Variants in UBE2E1 observed in about 807,000 individuals in gnomAD.
UBE2E1 encodes the protein ubiquitin-conjugating enzyme E2 E1.
Under a neutral mutation model 21.4 loss-of-function variants are expected in UBE2E1, and 6 were observed. The ratio of observed to expected loss-of-function variants is 0.28; its 90% CI spans 0.15 to 0.55. The LOEUF (loss-of-function observed/expected upper bound fraction) is 0.55. UBE2E1 is among the 20% of genes least tolerant of loss of function. The pLI, the probability that UBE2E1 is intolerant of heterozygous loss-of-function variation, is 0.93. For synonymous variants in UBE2E1, 87 were observed against 82.7 expected, an observed-to-expected ratio of 1.05 and a Z score of -0.28; for missense variants, 142 against 236.5, an observed-to-expected ratio of 0.60 and a Z score of 2.62.
chr3:23,831,343 A>G (rs1699862215), intron 3 of UBE2E1, among the ~76,000 whole-genome samples: 1 of 152,120 alleles, frequency 6.6e-6, no homozygotes, highest in African/African-American at 2.4e-5. Flanking sequence ...ACATGACCAC[A>G]GGCACCCAGA....
chr3:23,852,692 T>C (rs527793833), intron 3 of UBE2E1, among the ~76,000 whole-genome samples: 15 of 152,324 alleles, frequency 9.8e-5, no homozygotes, highest in African/African-American at 3.6e-4. Flanking sequence ...CCTTCTGGGC[T>C]CAAGCGATCC....
intron 3 of UBE2E1, among the ~76,000 whole-genome samples, chr3:23,828,622 CTG>C (rs368658949): frequency 2.6e-5 from 4 of 152,294 alleles, no homozygotes; most frequent in African/African-American, 7.2e-5. Flanking sequence ...AAATTACAAA[CTG>C]AGCATTTATG....
intron 3 of UBE2E1, among the ~76,000 whole-genome samples, chr3:23,826,364 T>C (rs945870728): frequency 2.0e-4 from 30 of 152,250 alleles, no homozygotes; most frequent in African/African-American, 6.3e-4. Context: ...CAGAAACAAC[T>C]TCTTAGTTGT....
intron 3 of UBE2E1, among the ~76,000 whole-genome samples, chr3:23,865,370 G>A (rs1700634299): frequency 6.6e-6 from 1 of 152,054 alleles, no homozygotes; most frequent in Non-Finnish European, 1.5e-5. Context: ...CTTTTTTTGA[G>A]ATGGAGTTTC....
In UBE2E1 at chr3:23,863,478, T is replaced by C. The variant is rs7637968; in HGVS notation, c.204-24089T>C. On this transcript the variant is annotated intron_variant, in intron 3 of 5. Coordinates refer to ENST00000306627, the MANE Select transcript of UBE2E1 (RefSeq NM_003341.5). The surrounding 1 kb of genome is among the most constrained non-coding windows in gnomAD (Gnocchi z 4.3). ...TCAACCCCAGATGCCTTCACAATTATCTAAAAGTCCTCAAAAGACATTCAG... is the reference window on the plus strand; with the variant it reads ...TCAACCCCAGATGCCTTCACAATTACCTAAAAGTCCTCAAAAGACATTCAG... Among the ~76,000 whole-genome samples, 36,982 of 152,044 alleles carry C rather than the reference T, an allele frequency of 0.24. 4,719 individuals carry two copies. Among genetic ancestry groups the C allele is most frequent in the African/African-American group, 0.34 (13,989 of 41,426 alleles).
At chr3:23,886,216 T>C (rs903195853) in intron 3 of UBE2E1, among the ~76,000 whole-genome samples, 2 of 152,122 alleles carry the variant, frequency 1.3e-5, no homozygotes, top group African/African-American at 2.4e-5. Flanking sequence ...AAATAAAAAA[T>C]AAAACAAGTT....
intron 3 of UBE2E1, among the ~76,000 whole-genome samples, chr3:23,867,353 A>T (rs577552885): frequency 1.1e-4 from 17 of 152,330 alleles, no homozygotes; most frequent in Admixed American, 2.0e-4. Flanking sequence ...AGTAGGTCAG[A>T]ACAAACCTGT....
At chr3:23,845,579 C>CTGTG (rs1447535869) in intron 3 of UBE2E1, among the ~76,000 whole-genome samples, 5 of 51,704 alleles carry the variant, frequency 9.7e-5, no homozygotes, top group African/African-American at 3.2e-4. Flanking sequence ...CTCTCTCTCT[C>CTGTG]TCTCTCTCTC....
chr3:23,857,780 T>A (rs776193228), intron 3 of UBE2E1, among the ~76,000 whole-genome samples: 1 of 152,218 alleles, frequency 6.6e-6, no homozygotes, highest in Non-Finnish European at 1.5e-5. Context: ...CGTGTGCTCC[T>A]CAGGAATGAG....
chr3:23,879,418 A>T (rs963194199), intron 3 of UBE2E1: 11 of 459,926 alleles, frequency 2.4e-5, no homozygotes, highest in African/African-American at 1.8e-4. Context: ...CACAGTACAA[A>T]CCCAGGAAAA....
At position 23,853,851 on chromosome 3, in the gene UBE2E1, CT is replaced by C. The variant is rs1203098778; in HGVS notation, c.204-33715del. ...TGTTATTTGTTCACCCAACATCCCC[CT>C]GGGGTACCAACACTCCTCATTTTAT... is the stretch of plus-strand genomic sequence containing the variant. On this transcript the variant is annotated intron_variant, in intron 3 of 5. Coordinates refer to ENST00000306627, the MANE Select transcript of UBE2E1 (RefSeq NM_003341.5). The surrounding 1 kb of genome is among the most constrained non-coding windows in gnomAD (Gnocchi z 4.1). Among the ~76,000 whole-genome samples the C allele has an allele frequency of 6.6e-6, 1 of 152,166 alleles. No homozygotes were observed.
At chr3:23,880,292 A>G (rs1229708617) in intron 3 of UBE2E1, among the ~76,000 whole-genome samples, 1 of 152,322 alleles carries the variant, frequency 6.6e-6, no homozygotes, top group Non-Finnish European at 1.5e-5. Context: ...CTGAGGCAGG[A>G]GAATTGCTTG....
At chr3:23,879,596 C>A in intron 3 of UBE2E1, 2 of 239,180 alleles carry the variant, frequency 8.4e-6, no homozygotes, top group East Asian at 2.4e-4. Context: ...ACCATCCTTC[C>A]CTTCTCTTCA....
chr3:23,846,806 G>C (rs1260393491), intron 3 of UBE2E1, among the ~76,000 whole-genome samples: 1 of 151,200 alleles, frequency 6.6e-6, no homozygotes, highest in African/African-American at 2.4e-5. Flanking sequence ...AATTGTTAAA[G>C]ATGGGACATA....
intron 3 of UBE2E1, among the ~76,000 whole-genome samples, chr3:23,820,666 A>C (rs1699626369): frequency 6.6e-6 from 1 of 152,210 alleles, no homozygotes; most frequent in Non-Finnish European, 1.5e-5. Context: ...AAGCCCTCTT[A>C]TATAGCATTC....
Position 23,891,511 on chromosome 3 carries a change from C to T in UBE2E1, c.*905C>T, listed in dbSNP as rs755766679. Reference sequence around the variant, plus strand: ...CTAGAAAAGGTTAAATAATCTACCCCATTTAGGCTTCAAAGACGAACCCTA... The same window carrying T: ...CTAGAAAAGGTTAAATAATCTACCCTATTTAGGCTTCAAAGACGAACCCTA... On this transcript the variant is annotated 3_prime_UTR_variant, in exon 6 of 6. Transcript: ENST00000306627. The T allele has an allele frequency of 2.0e-5, 3 of 152,168 alleles. No individual in the cohort carries two copies. Among genetic ancestry groups the T allele is most frequent in the Non-Finnish European group, 2.9e-5 (2 of 68,032 alleles). 9.4% of individuals were successfully genotyped at this position (152,168 alleles called of 1,614,324 possible).
chr3:23,817,500 G>GCA (rs1699555020), intron 3 of UBE2E1, among the ~76,000 whole-genome samples: 1 of 151,714 alleles, frequency 6.6e-6, no homozygotes, highest in Admixed American at 6.6e-5. Context: ...GTTAAGACAT[G>GCA]CACACACATA....
At chr3:23,886,194 A>G (rs1701179453) in intron 3 of UBE2E1, among the ~76,000 whole-genome samples, 1 of 152,112 alleles carries the variant, frequency 6.6e-6, no homozygotes, top group Non-Finnish European at 1.5e-5. Flanking sequence ...GCAGATCAAG[A>G]CTCTGTTTCA....
intron 3 of UBE2E1, among the ~76,000 whole-genome samples, chr3:23,814,291 T>G (rs1699464154): frequency 6.6e-6 from 1 of 152,258 alleles, no homozygotes; most frequent in Admixed American, 6.5e-5. Context: ...GAAATGCAAT[T>G]GCTCAATATG....
Sources: allele counts gnomAD v4.1 joint callset (sites outside exome capture counted in the v4.1 genomes callset), GRCh38; gene constraint gnomAD v4.1.1; non-coding constraint Gnocchi (gnomAD v3.1); transcripts MANE v1.5; gene names NCBI Gene and HGNC (gene_info 2026-07-23, HGNC 2026-07-21).